Variants in ROBO1 observed in about 807,000 individuals in gnomAD.
ROBO1 encodes the protein roundabout guidance receptor 1.
Under a neutral mutation model 195.9 loss-of-function variants are expected in ROBO1, and 149 were observed. The observed-to-expected ratio is 0.76, with a 90% CI of 0.67 to 0.87. ROBO1 has a LOEUF of 0.87. Ranked by LOEUF, ROBO1 falls within the 40% of genes least tolerant of loss-of-function variation. The pLI is 0.00. For synonymous variants in ROBO1, 816 were observed against 733.2 expected, an observed-to-expected ratio of 1.11 and a Z score of -1.82; for missense variants, 1,933 against 2,068.3, an observed-to-expected ratio of 0.93 and a Z score of 1.27.
chr3:78,930,077 T>C (rs953678178), intron 4 of ROBO1, among the ~76,000 whole-genome samples: 4 of 152,038 alleles, frequency 2.6e-5, no homozygotes, highest in African/African-American at 9.7e-5. Flanking sequence ...CCTAAGGAAA[T>C]AGTACCTGAT....
At position 79,310,278 on chromosome 3, in the gene ROBO1, G is replaced by T. The variant is rs1293163130; in HGVS notation, c.89-184739C>A. Among the ~76,000 whole-genome samples, 3 of 152,158 alleles carry T rather than the reference G, an allele frequency of 2.0e-5. No homozygotes were observed. The East Asian group carries it at 5.8e-4, about 29-fold the overall frequency. The stretch of plus-strand genomic sequence containing the variant: ...GACTCTGTTAAAAGCTGCTCATCTG[G>T]TTGGCAGCTGCTAGTATGGAAGAAC... On this transcript the variant is annotated intron_variant, in intron 2 of 30. Coordinates refer to ENST00000464233, the MANE Select transcript of ROBO1 (RefSeq NM_002941.4).
intron 2 of ROBO1, among the ~76,000 whole-genome samples, chr3:79,535,908 T>C (rs1387286853): frequency 1.3e-5 from 2 of 152,114 alleles, no homozygotes; most frequent in Non-Finnish European, 2.9e-5. Flanking sequence ...TTGTTTTTGG[T>C]CTATATTTGT....
intron 5 of ROBO1, among the ~76,000 whole-genome samples, chr3:78,730,986 T>C (rs2108186682): frequency 6.6e-6 from 1 of 152,262 alleles, no homozygotes. Flanking sequence ...GTACTTTTGC[T>C]ATTTCCTGAG....
intron 2 of ROBO1, among the ~76,000 whole-genome samples, chr3:79,503,970 C>G (rs1367092579): frequency 3.3e-5 from 5 of 152,234 alleles, no homozygotes; most frequent in African/African-American, 1.2e-4. Flanking sequence ...GAAATTTACT[C>G]CTGGTTGACA....
intron 1 of ROBO1, among the ~76,000 whole-genome samples, chr3:79,663,496 TA>T (rs1000760716): frequency 2.6e-5 from 4 of 152,164 alleles, no homozygotes; most frequent in Non-Finnish European, 4.4e-5. Context: ...CATCTGCCAC[TA>T]CCAATTCTAC....
chr3:78,981,735 A>G (rs2076994740), intron 3 of ROBO1, among the ~76,000 whole-genome samples: 2 of 151,426 alleles, frequency 1.3e-5, no homozygotes, highest in South Asian at 4.2e-4. Flanking sequence ...CCTCAGAACC[A>G]AGGACTTCCC....
At chr3:79,408,232 A>G (rs1374551752) in intron 2 of ROBO1, among the ~76,000 whole-genome samples, 1 of 127,860 alleles carries the variant, frequency 7.8e-6, no homozygotes, top group Non-Finnish European at 1.8e-5. Flanking sequence ...AAAATAAAAA[A>G]AATAAAAAAA....
At chr3:79,477,374 A>G (rs1415526142) in intron 2 of ROBO1, among the ~76,000 whole-genome samples, 1 of 152,180 alleles carries the variant, frequency 6.6e-6, no homozygotes, top group African/African-American at 2.4e-5. Flanking sequence ...TGCTTGGGAA[A>G]TTCCCACCAA....
chr3:79,483,041 G>C (rs549276425), intron 2 of ROBO1, among the ~76,000 whole-genome samples: 18 of 152,330 alleles, frequency 1.2e-4, no homozygotes, highest in African/African-American at 4.1e-4. Context: ...TTTTGGAATA[G>C]AGCGACTTCT....
chr3:78,871,954 C>T (rs1452375632), intron 4 of ROBO1, among the ~76,000 whole-genome samples: 1 of 152,174 alleles, frequency 6.6e-6, no homozygotes, highest in Non-Finnish European at 1.5e-5. Context: ...AGAAAACCAT[C>T]TGTCTTTGCT....
intron 2 of ROBO1, among the ~76,000 whole-genome samples, chr3:79,473,135 C>G (rs1938371942): frequency 6.6e-6 from 1 of 152,098 alleles, no homozygotes; most frequent in Non-Finnish European, 1.5e-5. Flanking sequence ...AATTAAGATA[C>G]AGGTGTCTTG....
At chr3:79,562,833 A>G (rs570835449) in intron 2 of ROBO1, among the ~76,000 whole-genome samples, 96 of 152,050 alleles carry the variant, frequency 6.3e-4, no homozygotes, top group Non-Finnish European at 1.0e-3. Flanking sequence ...AAGCAAATGA[A>G]AACAAAACCT....
intron 2 of ROBO1, among the ~76,000 whole-genome samples, chr3:79,467,936 G>C (rs946588852): frequency 2.6e-5 from 4 of 152,196 alleles, no homozygotes; most frequent in Non-Finnish European, 5.9e-5. Context: ...CACCCCTGTG[G>C]CATATCCTGT....
intron 10 of ROBO1, among the ~76,000 whole-genome samples, chr3:78,682,257 T>G (rs150201193): frequency 1.3e-5 from 2 of 151,656 alleles, no homozygotes; most frequent in East Asian, 3.9e-4. Context: ...ATAAAATGTA[T>G]AAATACTGAA....
At chr3:79,750,072 G>A (rs1035603093) in intron 1 of ROBO1, among the ~76,000 whole-genome samples, 3 of 152,204 alleles carry the variant, frequency 2.0e-5, no homozygotes, top group South Asian at 2.1e-4. Context: ...GCACAGGGGT[G>A]GAGCTGCCCA....
At chr3:79,328,610 CAT>C (rs897316971) in intron 2 of ROBO1, among the ~76,000 whole-genome samples, 16 of 152,078 alleles carry the variant, frequency 1.1e-4, no homozygotes, top group Non-Finnish European at 2.1e-4. Context: ...ATTTTAAAAA[CAT>C]ATCAGATTAT....
intron 3 of ROBO1, among the ~76,000 whole-genome samples, chr3:79,080,845 C>G (rs577289451): frequency 6.6e-6 from 1 of 152,062 alleles, no homozygotes; most frequent in Non-Finnish European, 1.5e-5. Context: ...AAATATTCAA[C>G]TTTTTCTTAA....
chr3:79,253,952 C>T (rs1217415156), intron 2 of ROBO1, among the ~76,000 whole-genome samples: 2 of 152,170 alleles, frequency 1.3e-5, no homozygotes, highest in Non-Finnish European at 2.9e-5. Context: ...CATGATTTAA[C>T]GTCTCTGCAA....
chr3:79,479,445 C>G (rs954184235), intron 2 of ROBO1, among the ~76,000 whole-genome samples: 10 of 152,182 alleles, frequency 6.6e-5, no homozygotes, highest in Non-Finnish European at 1.2e-4. Context: ...TGCCCACTCA[C>G]TGCTCACCTC....
Sources: allele counts gnomAD v4.1 joint callset (sites outside exome capture counted in the v4.1 genomes callset), GRCh38; gene constraint gnomAD v4.1.1; transcripts MANE v1.5; gene names NCBI Gene and HGNC (gene_info 2026-07-23, HGNC 2026-07-21).